Variants in PSD3 observed in about 807,000 individuals in gnomAD.
The protein encoded by PSD3 is PH and SEC7 domain-containing protein 3.
A neutral mutation model predicts 105.5 loss-of-function variants in PSD3; 49 were observed. That is an observed-to-expected ratio of 0.46 (90% confidence interval 0.37 to 0.59). The LOEUF (loss-of-function observed/expected upper bound fraction) is 0.59, where lower values mean the gene tolerates loss of function less well. Ranked by LOEUF, PSD3 falls within the 20% of genes least tolerant of loss-of-function variation. The probability of loss-of-function intolerance (pLI) is 0.00; values close to 1 mark genes in which losing one functional copy is unlikely to be tolerated. For synonymous variants in PSD3, 557 were observed against 457.8 expected (o/e 1.22, Z -2.77); for missense variants, 1,561 against 1,263.8 (o/e 1.24, Z -3.57).
chr8:18,664,380 G>C (rs1004716898), intron 9 of PSD3, among the ~76,000 whole-genome samples: 2 of 152,206 alleles, frequency 1.3e-5, no homozygotes, highest in Non-Finnish European at 2.9e-5. Context: ...CTGGATAGAA[G>C]ATCAAACTAG....
chr8:18,641,015 C>T (rs1807603862), intron 10 of PSD3, among the ~76,000 whole-genome samples: 1 of 152,190 alleles, frequency 6.6e-6, no homozygotes, highest in Non-Finnish European at 1.5e-5. Context: ...GTCCCAGTCA[C>T]ATTCTCCAGT....
chr8:18,708,442 TAGAA>T (rs1802031944), intron 9 of PSD3, among the ~76,000 whole-genome samples: 1 of 151,996 alleles, frequency 6.6e-6, no homozygotes, highest in Non-Finnish European at 1.5e-5. Context: ...AAAAAAAAAT[TAGAA>T]AATTTTTTTT....
chr8:18,836,499 AT>A, intron 4 of PSD3, among the ~76,000 whole-genome samples: 1 of 152,268 alleles, frequency 6.6e-6, no homozygotes, highest in Non-Finnish European at 1.5e-5. Flanking sequence ...AACAATACTA[AT>A]TTTTTAATAG....
intron 11 of PSD3, among the ~76,000 whole-genome samples, chr8:18,628,748 G>C (rs1236909444): frequency 6.6e-6 from 1 of 151,826 alleles, no homozygotes; most frequent in Admixed American, 6.6e-5. Flanking sequence ...ACAATTTGAA[G>C]GTGAACTGTG....
intron 11 of PSD3, among the ~76,000 whole-genome samples, chr8:18,617,022 T>C (rs1805743758): frequency 6.6e-6 from 1 of 152,196 alleles, no homozygotes; most frequent in East Asian, 1.9e-4. Context: ...GAGGGTCGTG[T>C]AATCAATCTA....
At chr8:19,079,056 A>G (rs988101924) in intron 1 of PSD3, among the ~76,000 whole-genome samples, 2 of 152,066 alleles carry the variant, frequency 1.3e-5, no homozygotes, top group Admixed American at 1.3e-4. Flanking sequence ...AGGTGGATCC[A>G]GATGCTAAAC....
At chr8:18,807,053 T>C (rs932257747) in intron 4 of PSD3, among the ~76,000 whole-genome samples, 8 of 152,336 alleles carry the variant, frequency 5.3e-5, no homozygotes, top group Non-Finnish European at 8.8e-5. Context: ...CTCAATGGTG[T>C]TATGTTTTTA....
intron 4 of PSD3, chr8:18,808,664 A>G: frequency 6.5e-7 from 1 of 1,543,276 alleles, no homozygotes; most frequent in African/African-American, 1.4e-5. Context: ...CATTCTGTCC[A>G]TTTCACAGTT....
intron 10 of PSD3, among the ~76,000 whole-genome samples, chr8:18,641,611 G>A (rs1207785001): frequency 6.6e-6 from 1 of 152,174 alleles, no homozygotes; most frequent in Non-Finnish European, 1.5e-5. Flanking sequence ...ACACAAGTGT[G>A]CAAAGTTACA....
intron 1 of PSD3, among the ~76,000 whole-genome samples, chr8:19,070,169 T>A (rs932116659): frequency 1.3e-5 from 2 of 152,046 alleles, no homozygotes; most frequent in African/African-American, 4.8e-5. Flanking sequence ...AGATGAATTG[T>A]TATGGCTACG....
intron 1 of PSD3, among the ~76,000 whole-genome samples, chr8:18,956,341 G>T (rs1037714671): frequency 6.6e-6 from 1 of 152,166 alleles, no homozygotes; most frequent in Non-Finnish European, 1.5e-5. Flanking sequence ...GATCCAGCAG[G>T]TCTGGGGTGG....
chr8:18,725,512 G>A (rs907503705), intron 9 of PSD3, among the ~76,000 whole-genome samples: 1 of 152,074 alleles, frequency 6.6e-6, no homozygotes, highest in African/African-American at 2.4e-5. Context: ...GGGACAATGG[G>A]CTTGGCATTC....
Position 19,057,047 on chromosome 8 carries a change from T to A in PSD3, c.324+27159A>T, listed in dbSNP as rs1317804190. ...TAGCTAGCTTTTGATGAGCTCTTGA[T>A]GCTACTTCATCTCTTTCCTTCTTAA... On this transcript the variant is annotated intron_variant, in intron 1 of 1. Transcript: ENST00000521475. 3.3e-5 allele frequency among the ~76,000 whole-genome samples: 5 copies of A among 152,298 alleles called. No individual in the cohort carries two copies. In the South Asian group the frequency reaches 8.3e-4, roughly 25 times the overall value.
chr8:19,059,164 T>A (rs548238235), intron 1 of PSD3, among the ~76,000 whole-genome samples: 30 of 152,290 alleles, frequency 2.0e-4, no homozygotes, highest in African/African-American at 7.2e-4. Context: ...ATCTAAGTCA[T>A]CGGAAAGTCT....
intron 4 of PSD3, among the ~76,000 whole-genome samples, chr8:18,837,641 A>C (rs1023986220): frequency 1.3e-5 from 2 of 152,054 alleles, no homozygotes; most frequent in Non-Finnish European, 2.9e-5. Flanking sequence ...ATGAGACTAA[A>C]CTCTAAAAGT....
At chr8:19,074,285 A>G (rs1477443877) in intron 1 of PSD3, among the ~76,000 whole-genome samples, 1 of 152,038 alleles carries the variant, frequency 6.6e-6, no homozygotes, top group Non-Finnish European at 1.5e-5. Context: ...AACGTCTTGC[A>G]GGGTGGCCTT....
At chr8:18,695,920 G>A (rs1044777030) in intron 9 of PSD3, among the ~76,000 whole-genome samples, 7 of 152,226 alleles carry the variant, frequency 4.6e-5, no homozygotes, top group Non-Finnish European at 8.8e-5. Context: ...CCTCTCTCAT[G>A]TGTAATGCAA....
At chr8:18,903,768 G>A (rs983327962) in intron 2 of PSD3, among the ~76,000 whole-genome samples, 2 of 152,144 alleles carry the variant, frequency 1.3e-5, no homozygotes, top group East Asian at 3.9e-4. Context: ...TGCTGCTTCA[G>A]CTTAGGTACT....
intron 8 of PSD3, among the ~76,000 whole-genome samples, chr8:18,790,457 C>T (rs1042162959): frequency 6.6e-5 from 10 of 151,912 alleles, no homozygotes; most frequent in Non-Finnish European, 1.5e-4. Flanking sequence ...CTCCCGCCAC[C>T]ATGCCTGGCT....
Sources: gnomAD v4.1 joint callset for allele counts (sites outside exome capture counted in the v4.1 genomes callset) on GRCh38, gnomAD v4.1.1 for gene constraint, MANE v1.5 for transcripts, NCBI Gene and HGNC (gene_info 2026-07-23, HGNC 2026-07-21) for gene names.